The following HECW1 variants were observed in gnomAD, a reference collection of about 807,000 sequenced individuals.
HECW1 encodes HECT, C2 and WW domain containing E3 ubiquitin protein ligase 1, also known as E3 ubiquitin-protein ligase HECW1.
In HECW1, 61 loss-of-function variants were observed where a neutral mutation model predicts 182.3. That is an observed-to-expected ratio of 0.33 (90% CI 0.27 to 0.41). The LOEUF (loss-of-function observed/expected upper bound fraction) is 0.41. Ranked by LOEUF, HECW1 falls within the 10% of genes least tolerant of loss-of-function variation. The pLI, the probability that HECW1 is intolerant of heterozygous loss-of-function variation, is 1.00. For missense variants in HECW1, 1,739 were observed against 2,108.9 expected (o/e 0.82, Z 3.44); for synonymous variants, 859 against 832.6 (o/e 1.03, Z -0.55).
At chr7:43,259,933 G>T (rs1315604981) in intron 3 of HECW1, among the ~76,000 whole-genome samples, 1 of 152,150 alleles carries the variant, frequency 6.6e-6, no homozygotes, top group African/African-American at 2.4e-5. Flanking sequence ...GGGATACAAT[G>T]AGAAAATATC....
intron 6 of HECW1, among the ~76,000 whole-genome samples, chr7:43,395,558 C>CA (rs201865352): frequency 6.6e-6 from 1 of 152,336 alleles, no homozygotes; most frequent in East Asian, 1.9e-4. Context: ...AAGAATTTGA[C>CA]AATCTCTTAT....
intron 2 of HECW1, among the ~76,000 whole-genome samples, chr7:43,199,886 T>G (rs1040444053): frequency 6.6e-6 from 1 of 152,220 alleles, no homozygotes; most frequent in Non-Finnish European, 1.5e-5. Context: ...GTGGTTGTTT[T>G]TTAATTTCAC....
At chr7:43,466,800 A>G (rs1222124743) in intron 15 of HECW1, among the ~76,000 whole-genome samples, 1 of 152,200 alleles carries the variant, frequency 6.6e-6, no homozygotes, top group Non-Finnish European at 1.5e-5. Context: ...GAAATGTGTT[A>G]ATGTCAGTGA....
chr7:43,252,827 A>G (rs1185075977), intron 3 of HECW1, among the ~76,000 whole-genome samples: 2 of 152,246 alleles, frequency 1.3e-5, no homozygotes, highest in Non-Finnish European at 2.9e-5. Context: ...GTGTAGTTTA[A>G]CAGTAGATGT....
intron 16 of HECW1, among the ~76,000 whole-genome samples, chr7:43,470,975 G>A (rs1218039977): frequency 1.3e-5 from 2 of 152,216 alleles, no homozygotes; most frequent in Admixed American, 6.5e-5. Context: ...ACATGACCCT[G>A]TGCAAGTCAC....
At chr7:43,197,097 C>T (rs1044380590) in intron 2 of HECW1, among the ~76,000 whole-genome samples, 2 of 152,056 alleles carry the variant, frequency 1.3e-5, no homozygotes, top group African/African-American at 2.4e-5. Flanking sequence ...CACAAAAGCC[C>T]CCATCCCTGG....
At chr7:43,479,402 C>T (rs2078337708) in intron 16 of HECW1, among the ~76,000 whole-genome samples, 1 of 152,130 alleles carries the variant, frequency 6.6e-6, no homozygotes. Flanking sequence ...GCTCACTCGC[C>T]CGTGGCTCAC....
chr7:43,509,009 C>T lies in HECW1; in HGVS notation c.3907C>T (p.Leu1303=). 1 of 1,614,148 alleles carries T rather than the reference C, an allele frequency of 6.2e-7. No individual in the cohort carries two copies. Among genetic ancestry groups the T allele is most frequent in the Non-Finnish European group, 8.5e-7 (1 of 1,179,998 alleles). The part of the protein sequence containing the change: ...SGPSREFFFL[L]SQELFNPYYG... ...CCCCTCGCGGGAGTTCTTCTTCCTTCTGTCTCAGGAGCTCTTCAACCCTTA... is the reference window on the plus strand; with the variant it reads ...CCCCTCGCGGGAGTTCTTCTTCCTTTTGTCTCAGGAGCTCTTCAACCCTTA... The change falls in exon 24 of 30, where the codon CTG becomes TTG. Residue 1303 remains leucine (L), a synonymous_variant. Transcript: ENST00000395891.
At chr7:43,197,773 T>C (rs1329294123) in intron 2 of HECW1, among the ~76,000 whole-genome samples, 1 of 152,020 alleles carries the variant, frequency 6.6e-6, no homozygotes, top group Non-Finnish European at 1.5e-5. Flanking sequence ...AACATAACCG[T>C]GGCCCCAGTG....
At chr7:43,134,954 T>C (rs898633938) in intron 2 of HECW1, among the ~76,000 whole-genome samples, 3 of 152,120 alleles carry the variant, frequency 2.0e-5, no homozygotes, top group African/African-American at 7.2e-5. Context: ...TCTAGGTATA[T>C]AGGTTTTTGC....
chr7:43,175,343 AAT>A (rs1236563864), intron 2 of HECW1, among the ~76,000 whole-genome samples: 5 of 152,236 alleles, frequency 3.3e-5, no homozygotes, highest in African/African-American at 4.8e-5. Context: ...CATGTTGTAC[AAT>A]AGGTCTGAAC....
rs190596046 is a variant in HECW1 at position 43,320,243 on chromosome 7, A to G, written c.353-392A>G. On this transcript the variant is annotated intron_variant, in intron 4 of 29. Coordinates refer to ENST00000395891, the MANE Select transcript of HECW1 (RefSeq NM_015052.5). ...GACCCCAAAGGGAGATTTTTTCTTT[A>G]TGTCTCGCCCTTAGGCTCAAATAGG... Among the ~76,000 whole-genome samples the G allele has an allele frequency of 3.9e-5, 6 of 152,298 alleles. No homozygotes were observed. The East Asian group carries it at 1.2e-3, about 29-fold the overall frequency.
At chr7:43,427,706 C>T (rs1451370236) in intron 8 of HECW1, among the ~76,000 whole-genome samples, 1 of 152,130 alleles carries the variant, frequency 6.6e-6, no homozygotes, top group Non-Finnish European at 1.5e-5. Context: ...CACTTGTGTT[C>T]TCATCTAGGG....
At chr7:43,318,887 C>T (rs1809672948) in intron 4 of HECW1, among the ~76,000 whole-genome samples, 1 of 152,222 alleles carries the variant, frequency 6.6e-6, no homozygotes, top group Non-Finnish European at 1.5e-5. Context: ...TTGGTTTTCC[C>T]CACAGCCTCA....
chr7:43,540,866 A>C (rs1246005681), intron 24 of HECW1, among the ~76,000 whole-genome samples: 1 of 152,074 alleles, frequency 6.6e-6, no homozygotes, highest in African/African-American at 2.4e-5. Flanking sequence ...TCCCCTTCCC[A>C]GTGCTTTTCT....
At chr7:43,488,384 AAGG>A (rs1563045092) in intron 17 of HECW1, among the ~76,000 whole-genome samples, 29 of 78,930 alleles carry the variant, frequency 3.7e-4, no homozygotes, top group African/African-American at 5.3e-4. Context: ...GGAAGGAAGG[AAGG>A]AAGGAAGGAA....
intron 3 of HECW1, among the ~76,000 whole-genome samples, chr7:43,256,609 C>CAAAAAA (rs756396122): frequency 1.8e-5 from 1 of 55,328 alleles, no homozygotes; most frequent in Non-Finnish European, 4.1e-5. Context: ...AACTTCATCT[C>CAAAAAA]AAAAAAAAAA....
intron 5 of HECW1, among the ~76,000 whole-genome samples, chr7:43,360,665 C>G (rs1044868936): frequency 6.6e-6 from 1 of 152,134 alleles, no homozygotes; most frequent in Admixed American, 6.6e-5. Context: ...ATGGACTTAA[C>G]TTGGATACAA....
intron 17 of HECW1, among the ~76,000 whole-genome samples, chr7:43,485,169 C>T (rs1404874152): frequency 6.6e-6 from 1 of 152,172 alleles, no homozygotes; most frequent in Non-Finnish European, 1.5e-5. Flanking sequence ...GGAAGAGAAG[C>T]TTGCTTCTCA....
Sources: allele counts gnomAD v4.1 joint callset (sites outside exome capture counted in the v4.1 genomes callset), GRCh38; gene constraint gnomAD v4.1.1; transcripts MANE v1.5; gene names NCBI Gene and HGNC (gene_info 2026-07-23, HGNC 2026-07-21).